The following F5 variants were observed in gnomAD, a reference collection of about 807,000 sequenced individuals.
The protein encoded by F5 is activated protein c cofactor.
A neutral mutation model predicts 216.4 loss-of-function variants in F5; 138 were observed. That is an observed-to-expected ratio of 0.64 (90% CI 0.56 to 0.73). F5 has a LOEUF of 0.73. Among genes scored for constraint, F5 ranks in the 30% least tolerant of loss-of-function variants. F5 has a pLI of 0.00. For missense variants in F5, 2,403 were observed against 2,674.0 expected, an observed-to-expected ratio of 0.90 and a Z score of 2.24; for synonymous variants, 916 against 930.7, an observed-to-expected ratio of 0.98 and a Z score of 0.29.
At chr1:169,557,125 C>A (rs1256234100) in intron 5 of F5, among the ~76,000 whole-genome samples, 3 of 152,194 alleles carry the variant, frequency 2.0e-5, no homozygotes, top group Admixed American at 6.5e-5. Flanking sequence ...TGGATGTGAA[C>A]TCAAAAACAC....
At chr1:169,516,300 GGTGATAT>G (rs1384931571) in intron 23 of F5, among the ~76,000 whole-genome samples, 1 of 152,162 alleles carries the variant, frequency 6.6e-6, no homozygotes, top group Non-Finnish European at 1.5e-5. Flanking sequence ...TCACATGGTT[GGTGATAT>G]GTGTTTGGAG....
chr1:169,520,694 T>A, intron 21 of F5, 30 bp from the exon 22 acceptor site: 1 of 1,590,470 alleles, frequency 6.3e-7, no homozygotes, highest in Non-Finnish European at 8.6e-7. Context: ...TTTAGTTATG[T>A]AACAATGATC....
chr1:169,518,377 C>T, intron 23 of F5, 35 bp downstream of exon 23: 1 of 1,612,800 alleles, frequency 6.2e-7, no homozygotes, highest in Non-Finnish European at 8.5e-7. Context: ...TCTTCTGGAG[C>T]CCTAAGAGAA....
intron 2 of F5, among the ~76,000 whole-genome samples, chr1:169,574,066 G>A (rs186955758): frequency 9.9e-5 from 15 of 152,212 alleles, no homozygotes; most frequent in Admixed American, 8.5e-4. Context: ...ATTGCATTCA[G>A]TATTATAACT....
chr1:169,562,221 T>C lies in F5; in HGVS notation c.374-1455A>G, dbSNP rs561973631. On this transcript the variant is annotated intron_variant, in intron 3 of 24. Transcript: ENST00000367797. Reference sequence around the variant, plus strand: ...ATGCCCTCTGGGCCCAGACAACCACTAATCTGCTTTATTTCACTATAATTT... The same window carrying C: ...ATGCCCTCTGGGCCCAGACAACCACCAATCTGCTTTATTTCACTATAATTT... Among the ~76,000 whole-genome samples, 9 of 152,246 alleles carry C rather than the reference T, an allele frequency of 5.9e-5. No individual in the cohort carries two copies. The South Asian group carries it at 1.9e-3, about 32-fold the overall frequency.
Position 169,550,741 on chromosome 1 carries a change from T to G in F5, c.1297-2A>C, listed in dbSNP as rs762646464. ...GCTGGCCATATTTTTGAACACGATC[T>G]ACAAAGTTAAATCAAATTTATTCTA... On this transcript the variant is annotated splice_acceptor_variant, in intron 8 of 24. Transcript: ENST00000367797. LOFTEE classifies it high-confidence loss of function. The G allele has an allele frequency of 1.2e-6, 2 of 1,605,166 alleles. No individual in the cohort carries two copies. Among genetic ancestry groups the G allele is most frequent in the Non-Finnish European group, 1.7e-6 (2 of 1,171,788 alleles).
intron 13 of F5, among the ~76,000 whole-genome samples, chr1:169,539,451 A>T (rs544186186): frequency 2.4e-4 from 34 of 144,364 alleles, no homozygotes; most frequent in African/African-American, 8.1e-4. Context: ...CCTTGCTTAG[A>T]AATACTCAGG....
Position 169,542,716 on chromosome 1 carries a change from C to A in F5, c.2374G>T (p.Ala792Ser), listed in dbSNP as rs1244263617. The A allele has an allele frequency of 6.2e-7, 1 of 1,613,950 alleles. No individual in the cohort carries two copies. Among genetic ancestry groups the A allele is most frequent in the East Asian group, 2.2e-5 (1 of 44,888 alleles). The change falls in exon 13 of 25, where the codon GCA becomes TCA. Residue 792 changes from alanine to serine, a missense_variant. Ala to Ser is a moderately conservative substitution (Grantham distance 99). Coordinates refer to ENST00000367797, the MANE Select transcript of F5 (RefSeq NM_000130.5). The stretch of plus-strand genomic sequence containing the variant: ...TGAGAAGGGGCTTTCTGAGGTTCTG[C>A]AAGGTTATTGACAGTGAACTTACTA... Reference protein sequence around the residue: ...NISKFTVNNLAEPQKAPSHQQ... With the variant: ...NISKFTVNNLSEPQKAPSHQQ...
chr1:169,542,942 T>C lies in F5; in HGVS notation c.2148A>G (p.Glu716=), dbSNP rs772245021. Residue 716 remains glutamate, a synonymous_variant, in exon 13 of 25, where the codon GAA becomes GAG. Coordinates refer to ENST00000367797, the MANE Select transcript of F5 (RefSeq NM_000130.5). ...CATAGTCAGCATCACTCTCTTCATC[T>C]TCAGGTTCTAAACGATCATGCATTT... ...TRKMHDRLEP[E]DEESDADYDY... is the part of the protein sequence containing the mutation. The C allele has an allele frequency of 6.2e-7, 1 of 1,614,012 alleles. No individual in the cohort carries two copies. The highest frequency in any genetic ancestry group is 8.5e-7 in the Non-Finnish European group (1 of 1,179,992).
intron 7 of F5, among the ~76,000 whole-genome samples, chr1:169,554,146 A>G (rs115336215): frequency 0.024 from 3,539 of 147,668 alleles, 140 homozygotes; most frequent in African/African-American, 0.088. Context: ...CTTTTCTCTG[A>G]TGACTCTCAA....
chr1:169,520,560 T>A lies in F5; in HGVS notation c.6153A>T (p.Arg2051Ser). The A allele has an allele frequency of 6.2e-7, 1 of 1,614,048 alleles. No individual in the cohort carries two copies. Among genetic ancestry groups the A allele is most frequent in the Non-Finnish European group, 8.5e-7 (1 of 1,179,946 alleles). The change falls in exon 22 of 25, where the codon AGA becomes AGT. Residue 2051 changes from arginine (R) to serine (S), a missense_variant. This residue lies in a region of F5 where 659 missense variants were observed against 787.9 expected (regional missense o/e 0.84). Transcript: ENST00000367797. ...IRISPTRAYN[R>S]PTLRLELQGC... ...CTTGCAGTTCCAATCGAAGGGTAGG[T>A]CTGTTATAGGCTCGAGTTGGAGAGA... is the stretch of plus-strand genomic sequence containing the variant.
chr1:169,524,711 T>C (rs1443870284), intron 19 of F5, 126 bp downstream of exon 19: 15 of 824,220 alleles, frequency 1.8e-5, no homozygotes, highest in Non-Finnish European at 3.1e-5. Flanking sequence ...CTTCACTACA[T>C]TGTAGTAGAG....
intron 3 of F5, among the ~76,000 whole-genome samples, chr1:169,564,303 G>A (rs1025110294): frequency 6.6e-6 from 1 of 152,080 alleles, no homozygotes; most frequent in East Asian, 1.9e-4. Context: ...ATTCTCTAGA[G>A]CTCTTTCTCT....
intron 22 of F5, among the ~76,000 whole-genome samples, chr1:169,520,029 A>G (rs1451333164): frequency 6.6e-6 from 1 of 152,220 alleles, no homozygotes; most frequent in Non-Finnish European, 1.5e-5. Context: ...TTGAGTACCT[A>G]CACAGGGTAT....
intron 1 of F5, among the ~76,000 whole-genome samples, chr1:169,584,212 T>C (rs1175373535): frequency 4.6e-5 from 7 of 152,234 alleles, no homozygotes; most frequent in Non-Finnish European, 8.8e-5. Flanking sequence ...GTTTTTACTA[T>C]GTATGCTGTG....
At chr1:169,536,871 T>C (rs1408070460) in intron 13 of F5, among the ~76,000 whole-genome samples, 191 bp from the exon 14 acceptor site, 1 of 152,062 alleles carries the variant, frequency 6.6e-6, no homozygotes, top group African/African-American at 2.4e-5. Context: ...CTAACTCAAA[T>C]ATTATTTTAT....
Position 169,544,299 on chromosome 1 carries a change from C to T in F5, c.1972G>A (p.Val658Ile). The T allele has an allele frequency of 1.2e-6, 2 of 1,613,722 alleles. No individual in the cohort carries two copies. Among genetic ancestry groups the T allele is most frequent in the South Asian group, 1.1e-5 (1 of 91,078 alleles). ...GAGTGTCCAGACTCTTACTCACCAA[C>T]ATTATCCATTGTGACCGTCACAGAT... ...GESVTVTMDN[V>I]GTWMLTSMNS... The change falls in exon 12 of 25, where the codon GTT becomes ATT. Residue 658 changes from valine to isoleucine, a missense_variant. Around this residue, in one of 4 missense-constraint regions of F5, gnomAD observed 1,425 missense variants for 1,554.8 expected, o/e 0.92. Transcript: ENST00000367797.
At chr1:169,543,490 A>G (rs1038086588) in intron 12 of F5, among the ~76,000 whole-genome samples, 2 of 152,218 alleles carry the variant, frequency 1.3e-5, no homozygotes, top group African/African-American at 2.4e-5. Context: ...TATATTAAGA[A>G]AGGGATGAAT....
chr1:169,573,263 A>T (rs1191072810), intron 2 of F5, among the ~76,000 whole-genome samples: 1 of 152,172 alleles, frequency 6.6e-6, no homozygotes, highest in East Asian at 1.9e-4. Flanking sequence ...GAAATGGAGC[A>T]TTTCTAAGTA....
Sources: gnomAD v4.1 joint callset for allele counts (sites outside exome capture counted in the v4.1 genomes callset) on GRCh38, gnomAD v4.1.1 for gene constraint, gnomAD v4.1.1 regional missense constraint, MANE v1.5 for transcripts, NCBI Gene and HGNC (gene_info 2026-07-23, HGNC 2026-07-21) for gene names.